The following VWF variants were observed in gnomAD, a reference collection of about 807,000 sequenced individuals.
VWF encodes von Willebrand factor.
A neutral mutation model predicts 308.6 loss-of-function variants in VWF; 176 were observed. The ratio of observed to expected loss-of-function variants is 0.57; its 90% CI spans 0.50 to 0.65. The LOEUF is 0.65. Among genes scored for constraint, VWF ranks in the 30% least tolerant of loss-of-function variants. The probability of loss-of-function intolerance (pLI) is 0.00; values close to 1 mark genes in which losing one functional copy is unlikely to be tolerated. For synonymous variants in VWF, 1,385 were observed against 1,443.4 expected, an observed-to-expected ratio of 0.96 and a Z score of 0.92; for missense variants, 3,146 against 3,648.2, an observed-to-expected ratio of 0.86 and a Z score of 3.55.
intron 5 of VWF, among the ~76,000 whole-genome samples, chr12:6,108,858 G>A (rs935971250): frequency 6.6e-6 from 1 of 151,814 alleles, no homozygotes; most frequent in African/African-American, 2.4e-5. Flanking sequence ...GCGGGTGCCT[G>A]TAGTCCCAGC....
chr12:6,041,058 T>G (rs1944391139), intron 18 of VWF, among the ~76,000 whole-genome samples: 1 of 152,030 alleles, frequency 6.6e-6, no homozygotes, highest in Non-Finnish European at 1.5e-5. Flanking sequence ...TTTGGCAGAG[T>G]CATGTTATGT....
chr12:6,114,181 G>A (rs1232091423), intron 3 of VWF, among the ~76,000 whole-genome samples: 2 of 152,188 alleles, frequency 1.3e-5, no homozygotes, highest in African/African-American at 2.4e-5. Flanking sequence ...CTTCTCCTGG[G>A]GATGCAGAAA....
At position 6,064,357 on chromosome 12, in the gene VWF, T is replaced by C. The variant is rs1334521989; in HGVS notation, c.1321A>G (p.Thr441Ala). 4.3e-6 allele frequency: 7 copies of C among 1,614,084 alleles called. No homozygotes were observed. The highest frequency in any genetic ancestry group is 1.7e-4 in the Middle Eastern group (1 of 6,058). Reference protein sequence around the residue: ...QCADDRDAVCTRSVTVRLPGL... With the variant: ...QCADDRDAVCARSVTVRLPGL... ...GGCAGCCGGACGGTGACGGAGCGGG[T>C]GCACACAGCGTCGCGGTCATCAGCA... The change falls in exon 12 of 52, where the codon ACC becomes GCC. Residue 441 changes from threonine (T) to alanine (A), a missense_variant. This residue lies in a region of VWF where 1,304 missense variants were observed against 1,353.0 expected (regional missense o/e 0.96). Transcript: ENST00000261405.
chr12:6,110,825 G>T (rs1305670661), intron 4 of VWF, 41 bp downstream of exon 4: 1 of 1,588,690 alleles, frequency 6.3e-7, no homozygotes, highest in Non-Finnish European at 8.6e-7. Flanking sequence ...TGTGTCAGGG[G>T]ATCCCTAGGG....
chr12:6,061,749 G>T (rs1461852444), intron 13 of VWF, among the ~76,000 whole-genome samples: 1 of 152,242 alleles, frequency 6.6e-6, no homozygotes, highest in Non-Finnish European at 1.5e-5. Flanking sequence ...CAAGGGGTCT[G>T]CGAGACCAAA....
intron 14 of VWF, among the ~76,000 whole-genome samples, chr12:6,057,311 A>ATTTTTTTTTTTTTTTTTTTTT (rs1250165048): frequency 3.9e-5 from 5 of 129,426 alleles, no homozygotes; most frequent in South Asian, 2.4e-4. Flanking sequence ...GGACTATGGA[A>ATTTTTTTTTTTTTTTTTTTTT]TTTTTTTTTT....
At chr12:6,007,264 A>G (rs1218149884) in intron 34 of VWF, among the ~76,000 whole-genome samples, 1 of 152,226 alleles carries the variant, frequency 6.6e-6, no homozygotes, top group East Asian at 1.9e-4. Flanking sequence ...ACCCAACAAC[A>G]GCAAATTATA....
At chr12:6,107,180 GTATGATTACAGTCA>G (rs1945254021) in intron 5 of VWF, among the ~76,000 whole-genome samples, 1 of 152,146 alleles carries the variant, frequency 6.6e-6, no homozygotes, top group Non-Finnish European at 1.5e-5. Context: ...TGCAAATAGG[GTATGATTACAGTCA>G]TATGAATTTT....
chr12:6,033,959 C>G (rs146546600), intron 20 of VWF, among the ~76,000 whole-genome samples: 1 of 152,346 alleles, frequency 6.6e-6, no homozygotes, highest in African/African-American at 2.4e-5. Flanking sequence ...GAAAAGCACT[C>G]ATACTTCCTT....
Position 5,952,310 on chromosome 12 carries a change from G to A in VWF, c.8115+81C>T, listed in dbSNP as rs372909801. 7.2e-5 allele frequency: 114 copies of A among 1,585,730 alleles called. 1 individual carries two copies. The highest frequency in any genetic ancestry group is 2.5e-4 in the South Asian group (22 of 89,668). ...GCCTCAGACACTGAGAAATTATGCC[G>A]GAGCTGGGATGCACACTATTCAGAA... On this transcript the variant is annotated intron_variant, in intron 49 of 51. Coordinates refer to ENST00000261405, the MANE Select transcript of VWF (RefSeq NM_000552.5).
chr12:6,096,153 A>T (rs1945103893), intron 5 of VWF, among the ~76,000 whole-genome samples: 1 of 148,518 alleles, frequency 6.7e-6, no homozygotes, highest in South Asian at 2.1e-4. Context: ...GGATGGATGG[A>T]TGGACGGTTA....
At chr12:6,037,237 A>G (rs1395355829) in intron 18 of VWF, among the ~76,000 whole-genome samples, 1 of 152,198 alleles carries the variant, frequency 6.6e-6, no homozygotes, top group Non-Finnish European at 1.5e-5. Context: ...TTTTTTTCCA[A>G]GTGTTCTTCA....
At chr12:6,109,574 T>C (rs1945281976) in intron 5 of VWF, among the ~76,000 whole-genome samples, 1 of 152,236 alleles carries the variant, frequency 6.6e-6, no homozygotes, top group Non-Finnish European at 1.5e-5. Flanking sequence ...ATGTAAGTGT[T>C]TAGCTTTGGC....
chr12:5,949,646 TA>T (rs200513875), intron 51 of VWF, 139 bp downstream of exon 51: 1,689 of 893,126 alleles, frequency 1.9e-3, no homozygotes, highest in Non-Finnish European at 2.3e-3. Flanking sequence ...AACATTTGCT[TA>T]AAAAAAAATG....
At chr12:6,021,443 C>T (rs1944127944) in intron 27 of VWF, 1 of 172,690 alleles carries the variant, frequency 5.8e-6, no homozygotes, top group African/African-American at 2.4e-5. Context: ...GACAGCCACA[C>T]CCTGCCACCT....
chr12:5,956,586 G>A (rs1943253469), intron 47 of VWF, among the ~76,000 whole-genome samples: 1 of 151,014 alleles, frequency 6.6e-6, no homozygotes. Context: ...AAGCTGCAAT[G>A]AGCTATGATA....
chr12:6,081,998 G>A (rs1487004273), intron 6 of VWF, among the ~76,000 whole-genome samples: 1 of 150,682 alleles, frequency 6.6e-6, no homozygotes, highest in Non-Finnish European at 1.5e-5. Context: ...ACGCAGTCTC[G>A]CTCTGTCGCC....
chr12:6,121,317 G>A lies in VWF; in HGVS notation c.77C>T (p.Thr26Ile). The change falls in exon 3 of 52, where the codon ACT becomes ATT. Residue 26 changes from threonine (T) to isoleucine (I), a missense_variant. Thr to Ile is a moderately conservative substitution (Grantham distance 89). This residue lies in a region of VWF where 1,304 missense variants were observed against 1,353.0 expected (regional missense o/e 0.96). Transcript: ENST00000261405. ...ILPGTLCAEG[T>I]RGRSSTARCS... ...TCGGGCCGTGGATGACCTGCCGCGA[G>A]TTCCTTCTGCACAAAGGGTCCCTGG... The A allele has an allele frequency of 6.2e-7, 1 of 1,614,196 alleles. No individual in the cohort carries two copies. The highest frequency in any genetic ancestry group is 8.5e-7 in the Non-Finnish European group (1 of 1,180,032).
Position 6,019,546 on chromosome 12 carries a change from G to C in VWF, c.3872C>G (p.Ala1291Gly). Residue 1291 changes from alanine to glycine, a missense_variant, in exon 28 of 52, where the codon GCT (alanine) becomes GGT (glycine). This residue lies in a region of VWF where 853 missense variants were observed against 1,177.8 expected (regional missense o/e 0.72). Transcript: ENST00000261405. This position sits in a 1 kb window ranked among gnomAD's most constrained non-coding sequence, Gnocchi z 5.8. ...LLDGSSRLSE[A>G]EFEVLKAFVV... ...AAAGGCCTTCAGCACTTCAAACTCA[G>C]CCTCGGACAGCCTGGAGGAGCCATC... 6.2e-7 allele frequency: 1 copy of C among 1,613,960 alleles called. No homozygotes were observed. The highest frequency in any genetic ancestry group is 8.5e-7 in the Non-Finnish European group (1 of 1,179,876).
Sources: gnomAD v4.1 joint callset for allele counts (sites outside exome capture counted in the v4.1 genomes callset) on GRCh38, gnomAD v4.1.1 for gene constraint, gnomAD v4.1.1 regional missense constraint, Gnocchi (gnomAD v3.1) non-coding constraint, MANE v1.5 for transcripts, NCBI Gene and HGNC (gene_info 2026-07-23, HGNC 2026-07-21) for gene names.